SKAP2: variants seen among roughly 807,000 people sequenced by gnomAD.
SKAP2 encodes the protein src kinase-associated phosphoprotein 2.
Under a neutral mutation model 54.9 loss-of-function variants are expected in SKAP2, and 28 were observed. The observed-to-expected ratio is 0.51, with a 90% CI of 0.38 to 0.70. The LOEUF is 0.70. SKAP2 is among the 30% of genes least tolerant of loss of function. The probability of loss-of-function intolerance (pLI) is 0.00; values close to 1 mark genes in which losing one functional copy is unlikely to be tolerated. For synonymous variants in SKAP2, 137 were observed against 134.3 expected (o/e 1.02, Z -0.14); for missense variants, 356 against 424.1 (o/e 0.84, Z 1.41).
intron 11 of SKAP2, among the ~76,000 whole-genome samples, chr7:26,683,078 C>A (rs1786541725): frequency 6.6e-6 from 1 of 152,180 alleles, no homozygotes; most frequent in East Asian, 1.9e-4. Context: ...CTATATGCCA[C>A]TCACTCCTAT....
intron 10 of SKAP2, among the ~76,000 whole-genome samples, chr7:26,685,221 T>C (rs1269694029): frequency 6.6e-6 from 1 of 152,098 alleles, no homozygotes; most frequent in African/African-American, 2.4e-5. Context: ...CAATGAGCAA[T>C]ATCCATGAGA....
chr7:26,740,047 G>T, intron 4 of SKAP2, 83 bp from the exon 5 acceptor site: 1 of 810,478 alleles, frequency 1.2e-6, no homozygotes, highest in Non-Finnish European at 2.0e-6. Context: ...ATTAGATTCA[G>T]TGTGCTTTTA....
At chr7:26,709,554 C>A (rs752283259) in intron 9 of SKAP2, among the ~76,000 whole-genome samples, 3 of 152,186 alleles carry the variant, frequency 2.0e-5, no homozygotes, top group Non-Finnish European at 4.4e-5. Flanking sequence ...CTTATCTAAT[C>A]ATTGATTCTT....
chr7:26,827,085 A>G (rs1784506301), intron 4 of SKAP2, among the ~76,000 whole-genome samples: 1 of 152,106 alleles, frequency 6.6e-6, no homozygotes, highest in Admixed American at 6.6e-5. Context: ...AAATTTTACT[A>G]TTTTTGATAT....
chr7:26,833,350 C>T lies in SKAP2; in HGVS notation c.307+10680G>A, dbSNP rs185924947. ...GGCAGAGCTTGCAGTGAGCTGAGAT[C>T]GCGCCACTGCACCCCAGCCTGGGTG... On this transcript the variant is annotated intron_variant, in intron 4 of 12. Coordinates refer to ENST00000345317, the MANE Select transcript of SKAP2 (RefSeq NM_003930.5). 2.5e-3 allele frequency among the ~76,000 whole-genome samples: 366 copies of T among 147,076 alleles called. 1 individual carries two copies. Among genetic ancestry groups the T allele is most frequent in the Admixed American group, 5.0e-3 (71 of 14,116 alleles).
chr7:26,655,184 C>G, the SKAP2 span, among the ~76,000 whole-genome samples: 5 of 152,198 alleles, frequency 3.3e-5, no homozygotes, highest in Non-Finnish European at 2.9e-5. Flanking sequence ...GCAAAAGCCT[C>G]TCTCTTAAAT....
At chr7:26,727,647 CAG>C (rs1787736731) in intron 6 of SKAP2, among the ~76,000 whole-genome samples, 5 of 152,090 alleles carry the variant, frequency 3.3e-5, no homozygotes, top group African/African-American at 9.6e-5. Context: ...CTTATCCAGT[CAG>C]TGAACAGTTA....
chr7:26,677,717 A>G (rs1782798178), intron 11 of SKAP2, among the ~76,000 whole-genome samples: 1 of 152,130 alleles, frequency 6.6e-6, no homozygotes, highest in Non-Finnish European at 1.5e-5. Flanking sequence ...GCTATTATCT[A>G]TTTTATGCAT....
At chr7:26,813,815 A>G (rs765662066) in intron 4 of SKAP2, among the ~76,000 whole-genome samples, 1 of 152,220 alleles carries the variant, frequency 6.6e-6, no homozygotes, top group Non-Finnish European at 1.5e-5. Flanking sequence ...TTCTTCACAG[A>G]GGTTATTTTA....
chr7:26,679,603 T>C (rs1236696987), intron 11 of SKAP2, among the ~76,000 whole-genome samples: 1 of 152,206 alleles, frequency 6.6e-6, no homozygotes, highest in African/African-American at 2.4e-5. Context: ...ACAATGCATG[T>C]CCCACATTCA....
At chr7:26,688,153 G>T (rs571653723) in intron 10 of SKAP2, among the ~76,000 whole-genome samples, 23 of 152,198 alleles carry the variant, frequency 1.5e-4, no homozygotes, top group Non-Finnish European at 2.5e-4. Context: ...AAAACATGAT[G>T]ACCACGGGTG....
intron 9 of SKAP2, among the ~76,000 whole-genome samples, chr7:26,722,092 T>C (rs1345568907): frequency 1.3e-5 from 2 of 152,160 alleles, no homozygotes; most frequent in Non-Finnish European, 2.9e-5. Flanking sequence ...CAATAAGACA[T>C]AAAAGATGTA....
chr7:26,753,507 C>T (rs1782728103), intron 4 of SKAP2, among the ~76,000 whole-genome samples: 2 of 152,088 alleles, frequency 1.3e-5, no homozygotes, highest in Admixed American at 6.5e-5. Flanking sequence ...TCAGTACACA[C>T]TGAAAACAGA....
chr7:26,759,742 T>C (rs1306770330), intron 4 of SKAP2, among the ~76,000 whole-genome samples: 1 of 152,208 alleles, frequency 6.6e-6, no homozygotes, highest in African/African-American at 2.4e-5. Flanking sequence ...ACAAGTTTTG[T>C]TGATTATTGT....
chr7:26,742,197 A>G (rs1341869488), intron 4 of SKAP2: 1 of 152,212 alleles, frequency 6.6e-6, no homozygotes, highest in Non-Finnish European at 1.5e-5. Flanking sequence ...TCTAAAGTGG[A>G]TAATTGTGGA....
intron 11 of SKAP2, among the ~76,000 whole-genome samples, chr7:26,680,595 AT>A (rs764751299): frequency 2.6e-4 from 39 of 152,210 alleles, no homozygotes; most frequent in Non-Finnish European, 5.1e-4. Flanking sequence ...AATTTGATCC[AT>A]TTTTTAAGAG....
At chr7:26,805,282 A>G (rs1376153311) in intron 4 of SKAP2, among the ~76,000 whole-genome samples, 2 of 152,232 alleles carry the variant, frequency 1.3e-5, no homozygotes, top group Non-Finnish European at 2.9e-5. Flanking sequence ...GTTGTATACC[A>G]TAATTTTTGT....
At chr7:26,760,021 T>A (rs1782890206) in intron 4 of SKAP2, among the ~76,000 whole-genome samples, 1 of 152,208 alleles carries the variant, frequency 6.6e-6, no homozygotes. Flanking sequence ...TTAAGTAAAG[T>A]GCTCTGTGCT....
downstream of SKAP2, among the ~76,000 whole-genome samples, chr7:26,663,030 G>A (rs1786042179): frequency 6.6e-6 from 1 of 152,044 alleles, no homozygotes; most frequent in African/African-American, 2.4e-5. Context: ...TCCTAGATGG[G>A]ACAGGTTATT....
Sources: gnomAD v4.1 joint callset for allele counts (sites outside exome capture counted in the v4.1 genomes callset) on GRCh38, gnomAD v4.1.1 for gene constraint, MANE v1.5 for transcripts, NCBI Gene and HGNC (gene_info 2026-07-23, HGNC 2026-07-21) for gene names.